HS3ST4: variants seen among roughly 807,000 people sequenced by gnomAD.
The protein encoded by HS3ST4 is heparan sulfate glucosamine 3-O-sulfotransferase 4.
HS3ST4 carries 17 observed loss-of-function variants against 29.2 expected under a neutral mutation model. The observed-to-expected ratio is 0.58, with a 90% CI of 0.40 to 0.87. The LOEUF is 0.87. Among genes scored for constraint, HS3ST4 ranks in the 40% least tolerant of loss-of-function variants. The probability of loss-of-function intolerance (pLI) is 0.00; values close to 1 mark genes in which losing one functional copy is unlikely to be tolerated. For missense variants in HS3ST4, 627 were observed against 634.5 expected, an observed-to-expected ratio of 0.99 and a Z score of 0.13; for synonymous variants, 314 against 285.7, an observed-to-expected ratio of 1.10 and a Z score of -1.00.
intron 1 of HS3ST4, among the ~76,000 whole-genome samples, chr16:25,953,895 C>T (rs775583387): frequency 6.6e-6 from 1 of 152,146 alleles, no homozygotes; most frequent in Non-Finnish European, 1.5e-5. Context: ...TATTTATACA[C>T]CCAGTTCTGT....
intron 1 of HS3ST4, among the ~76,000 whole-genome samples, chr16:25,800,488 T>C (rs1277223661): frequency 6.6e-6 from 1 of 152,152 alleles, no homozygotes. Context: ...TTCTTTGTTA[T>C]TAACTTCAAA....
intron 1 of HS3ST4, among the ~76,000 whole-genome samples, chr16:25,894,938 C>A (rs2141670577): frequency 6.6e-6 from 1 of 152,354 alleles, no homozygotes; most frequent in Admixed American, 6.5e-5. Flanking sequence ...TGAGCACTTA[C>A]TGCATATCAG....
intron 1 of HS3ST4, among the ~76,000 whole-genome samples, chr16:25,960,216 C>T (rs947862042): frequency 6.6e-6 from 1 of 152,180 alleles, no homozygotes; most frequent in Non-Finnish European, 1.5e-5. Context: ...CCCCCTTCTC[C>T]TTCCATCCTG....
chr16:26,028,797 C>T (rs1482186609), intron 1 of HS3ST4: 1 of 152,234 alleles, frequency 6.6e-6, no homozygotes, highest in Admixed American at 6.5e-5. Flanking sequence ...CCTAGCTACT[C>T]CAGGCCACTT....
intron 1 of HS3ST4, among the ~76,000 whole-genome samples, chr16:26,036,755 T>A (rs1258105894): frequency 6.6e-6 from 1 of 152,224 alleles, no homozygotes; most frequent in African/African-American, 2.4e-5. Flanking sequence ...TATAAAATTC[T>A]TTGTAACATA....
At chr16:25,701,698 G>A (rs1485029856) in intron 1 of HS3ST4, among the ~76,000 whole-genome samples, 4 of 152,172 alleles carry the variant, frequency 2.6e-5, no homozygotes, top group Non-Finnish European at 5.9e-5. Flanking sequence ...CATTAAACAT[G>A]TATTATCAAC....
intron 1 of HS3ST4, among the ~76,000 whole-genome samples, chr16:25,718,501 GGAGA>G (rs35246974): frequency 1.3e-5 from 2 of 150,960 alleles, no homozygotes; most frequent in African/African-American, 2.4e-5. Flanking sequence ...AGCAGAAATG[GGAGA>G]GAGAGAGAGA....
intron 1 of HS3ST4, among the ~76,000 whole-genome samples, chr16:26,004,586 A>C (rs1378616370): frequency 6.6e-6 from 1 of 152,220 alleles, no homozygotes; most frequent in African/African-American, 2.4e-5. Context: ...CTAGAGGCCA[A>C]TGTCTCTGTG....
chr16:26,065,064 A>G (rs1898526567), intron 1 of HS3ST4, among the ~76,000 whole-genome samples: 1 of 152,192 alleles, frequency 6.6e-6, no homozygotes, highest in Non-Finnish European at 1.5e-5. Flanking sequence ...TTTTATTCAT[A>G]TGATTCCTCA....
intron 1 of HS3ST4, among the ~76,000 whole-genome samples, chr16:26,047,259 G>A (rs1389648037): frequency 6.6e-6 from 1 of 152,214 alleles, no homozygotes; most frequent in African/African-American, 2.4e-5. Context: ...AGCCCCTGTA[G>A]GTCAGAAGTT....
At chr16:26,013,065 A>G (rs1969325999) in intron 1 of HS3ST4, among the ~76,000 whole-genome samples, 1 of 152,168 alleles carries the variant, frequency 6.6e-6, no homozygotes, top group Non-Finnish European at 1.5e-5. Flanking sequence ...CGGGAGGCTG[A>G]GGCAAGAGAA....
At chr16:25,996,458 A>G (rs1969159959) in intron 1 of HS3ST4, among the ~76,000 whole-genome samples, 1 of 152,168 alleles carries the variant, frequency 6.6e-6, no homozygotes, top group African/African-American at 2.4e-5. Context: ...AATTTAATAT[A>G]TAGTATAAGT....
intron 1 of HS3ST4, among the ~76,000 whole-genome samples, chr16:25,881,583 G>T (rs766692179): frequency 1.3e-5 from 2 of 152,206 alleles, no homozygotes; most frequent in Non-Finnish European, 2.9e-5. Flanking sequence ...TGGGATGACA[G>T]CTGCTTCTTG....
chr16:25,715,348 A>T (rs141647207), intron 1 of HS3ST4, among the ~76,000 whole-genome samples: 2 of 1,512 alleles, frequency 1.3e-3, no homozygotes, highest in Non-Finnish European at 1.9e-3. Flanking sequence ...AAAAAAAACC[A>T]AAAAAAAAAA....
intron 1 of HS3ST4, among the ~76,000 whole-genome samples, chr16:25,807,757 T>A (rs1413975887): frequency 6.6e-6 from 1 of 152,208 alleles, no homozygotes; most frequent in Non-Finnish European, 1.5e-5. Context: ...CATTTTACAT[T>A]TCCGCTAGCA....
chr16:25,966,744 A>G (rs11074736), intron 1 of HS3ST4, among the ~76,000 whole-genome samples: 25,150 of 152,040 alleles, frequency 0.17, 2,194 homozygotes, highest in African/African-American at 0.17. Flanking sequence ...ACCTTTGCCC[A>G]TTCCTACTTA....
At chr16:26,107,297 G>A (rs1567313675) in intron 1 of HS3ST4, among the ~76,000 whole-genome samples, 1 of 149,024 alleles carries the variant, frequency 6.7e-6, no homozygotes, top group Admixed American at 6.6e-5. Flanking sequence ...GTTTATATAT[G>A]TGTGTGTGTG....
intron 1 of HS3ST4, among the ~76,000 whole-genome samples, chr16:25,709,909 A>G (rs1415332906): frequency 6.6e-6 from 1 of 152,188 alleles, no homozygotes; most frequent in Non-Finnish European, 1.5e-5. Context: ...TGTATCTTAC[A>G]AGAGAATTCT....
chr16:25,808,692 A>G (rs1170382570), intron 1 of HS3ST4, among the ~76,000 whole-genome samples: 1 of 152,164 alleles, frequency 6.6e-6, no homozygotes, highest in African/African-American at 2.4e-5. Context: ...TCTATAGATC[A>G]CTATGGGGAG....
Sources: gnomAD v4.1 joint callset for allele counts (sites outside exome capture counted in the v4.1 genomes callset) on GRCh38, gnomAD v4.1.1 for gene constraint, MANE v1.5 for transcripts, NCBI Gene and HGNC (gene_info 2026-07-23, HGNC 2026-07-21) for gene names.